GPR55: variants seen among roughly 807,000 people sequenced by gnomAD.
GPR55 encodes the protein G-protein coupled receptor 55.
In GPR55, 6 loss-of-function variants were observed where a neutral mutation model predicts 7.9. The ratio of observed to expected loss-of-function variants is 0.76; its 90% CI spans 0.41 to 1.49. GPR55 has a LOEUF of 1.49. Ranked by LOEUF, GPR55 falls within the 40% of genes most tolerant of loss-of-function variation. The pLI is 0.01. For synonymous variants in GPR55, 183 were observed against 166.8 expected, an observed-to-expected ratio of 1.10 and a Z score of -0.75; for missense variants, 376 against 406.0, an observed-to-expected ratio of 0.93 and a Z score of 0.63.
At chr2:230,949,194 C>G (rs1004223346) in intron 1 of GPR55, among the ~76,000 whole-genome samples, 2 of 152,036 alleles carry the variant, frequency 1.3e-5, no homozygotes, top group African/African-American at 4.8e-5. Flanking sequence ...GACGGAGTTT[C>G]ACTCTTCCAC....
rs1370536700 is a variant in GPR55 at position 230,908,582 on chromosome 2, T to A, written c.*1421A>T. On this transcript the variant is annotated 3_prime_UTR_variant, in exon 2 of 2. Transcript: ENST00000650999. Reference sequence around the variant, plus strand: ...AAATGCTTCTCTTCTTCCCCTCAGGTCACCACCCCTCCCAAGCCCTTCAGC... The same window carrying A: ...AAATGCTTCTCTTCTTCCCCTCAGGACACCACCCCTCCCAAGCCCTTCAGC... The A allele has an allele frequency of 6.5e-6, 1 of 153,234 alleles. No homozygotes were observed. Among genetic ancestry groups the A allele is most frequent in the Non-Finnish European group, 1.5e-5 (1 of 68,542 alleles). The allele number at this position is 153,234 out of a possible 1,614,324, so 9.5% of individuals were successfully genotyped here. A position where few individuals can be genotyped will look rare whatever the true frequency, so the allele number is the denominator to read the frequency against.
upstream of GPR55, chr2:230,928,485 T>G (rs1370234239): frequency 6.6e-6 from 1 of 152,072 alleles, no homozygotes; most frequent in Non-Finnish European, 1.5e-5. Context: ...AATCAAAAAA[T>G]GTTTGTGGAT....
At chr2:230,934,802 C>T (rs888107350) in intron 1 of GPR55, among the ~76,000 whole-genome samples, 36 of 152,136 alleles carry the variant, frequency 2.4e-4, no homozygotes, top group Admixed American at 2.2e-3. Context: ...AGTGAAGAGC[C>T]GTCACTGCAG....
intron 1 of GPR55, among the ~76,000 whole-genome samples, chr2:230,916,532 A>G (rs1339931593): frequency 6.6e-6 from 1 of 152,122 alleles, no homozygotes; most frequent in Non-Finnish European, 1.5e-5. Context: ...TCTAAGAAAA[A>G]AAAAAAAGAG....
rs374179115 is a variant in GPR55 at position 230,910,924 on chromosome 2, G to A, written c.39C>T (p.Asp13=). The A allele has an allele frequency of 6.2e-5, 99 of 1,609,178 alleles. No individual in the cohort carries two copies. The highest frequency in any genetic ancestry group is 1.6e-4 in the East Asian group (7 of 44,738). ...GGGTTTTCATCAGCTCGTTGACACC[G>A]TCAAACAGGCAGTCCCCACTGGTGT... ...QQNTSGDCLF[D]GVNELMKTLQ... Residue 13 remains aspartate, a synonymous_variant, in exon 2 of 2, where the codon GAC becomes GAT. Transcript: ENST00000650999. The surrounding 1 kb of genome is among the most constrained non-coding windows in gnomAD (Gnocchi z 5.4).
In GPR55 at chr2:230,933,279, T is replaced by C. The variant is rs533888458; in HGVS notation, c.-134-22183A>G. ...CTTCCCTTCTGGCCTTTCTCTGGCC[T>C]CCAGCCACCTGGGCAGACTGCTCCA... On this transcript the variant is annotated intron_variant, in intron 1 of 1. Transcript: ENST00000392039. 4.6e-5 allele frequency among the ~76,000 whole-genome samples: 7 copies of C among 151,366 alleles called. No individual in the cohort carries two copies. In the South Asian group the frequency reaches 1.5e-3, roughly 32 times the overall value.
chr2:230,945,009 C>T (rs937801092), intron 1 of GPR55, among the ~76,000 whole-genome samples: 1 of 152,222 alleles, frequency 6.6e-6, no homozygotes, highest in Admixed American at 6.5e-5. Flanking sequence ...GAAGCAGGAG[C>T]AGGAGCCTCA....
intron 1 of GPR55, among the ~76,000 whole-genome samples, chr2:230,949,536 G>A (rs958502200): frequency 2.0e-5 from 3 of 152,176 alleles, no homozygotes; most frequent in Admixed American, 6.5e-5. Context: ...TCAATTCCCC[G>A]GCCTAGATCA....
At chr2:230,941,586 C>T (rs934825) in intron 1 of GPR55, among the ~76,000 whole-genome samples, 152,120 of 152,250 alleles carry the variant, frequency 1, 75,995 homozygotes, top group Middle Eastern at 1. Flanking sequence ...TTTGCGATGC[C>T]GTCACCAAGC....
intron 1 of GPR55, chr2:230,957,614 G>A (rs1391279575): frequency 2.1e-6 from 1 of 466,190 alleles, no homozygotes; most frequent in Non-Finnish European, 4.4e-6. Context: ...TCCGGAGCCC[G>A]GCGAGCCCGC....
chr2:230,928,869 G>C (rs572583924), upstream of GPR55, among the ~76,000 whole-genome samples: 1 of 152,070 alleles, frequency 6.6e-6, no homozygotes, highest in Non-Finnish European at 1.5e-5. Flanking sequence ...CTCCAGGTGC[G>C]GCCTGGAGAC....
chr2:230,931,839 C>A (rs776742749), intron 1 of GPR55, among the ~76,000 whole-genome samples: 2 of 152,112 alleles, frequency 1.3e-5, no homozygotes, highest in Non-Finnish European at 2.9e-5. Flanking sequence ...CCAGTCCATT[C>A]GCCTGCTTGC....
chr2:230,943,099 GGAGAGAAAGA>G (rs1691259474), intron 1 of GPR55, among the ~76,000 whole-genome samples: 1 of 151,478 alleles, frequency 6.6e-6, no homozygotes, highest in East Asian at 2.0e-4. Flanking sequence ...GAGAGAGAGA[GGAGAGAAAGA>G]GAGAGAGAGG....
intron 1 of GPR55, among the ~76,000 whole-genome samples, chr2:230,920,970 GAC>G (rs925201649): frequency 1.3e-5 from 2 of 151,954 alleles, no homozygotes; most frequent in African/African-American, 2.4e-5. Context: ...AAAATGAAAA[GAC>G]ACAGAGTAAA....
In GPR55 at chr2:230,909,705, G is replaced by A. The variant is rs1690540489; in HGVS notation, c.*298C>T. 8 of 305,998 alleles carry A rather than the reference G, an allele frequency of 2.6e-5. No homozygotes were observed. The South Asian group carries it at 4.7e-4, about 18-fold the overall frequency. 19.0% of individuals were successfully genotyped at this position (305,998 alleles called of 1,614,324 possible). A position where few individuals can be genotyped will look rare whatever the true frequency, so the allele number is the denominator to read the frequency against. On this transcript the variant is annotated 3_prime_UTR_variant, in exon 2 of 2. Transcript: ENST00000650999. ...GAGTTGGAAACAGCCTTGTTGACAT[G>A]GTCTCATTCTCTTTCTCAATTCTTC... is the stretch of plus-strand genomic sequence containing the variant.
At chr2:230,952,869 A>G (rs1010206054) in intron 1 of GPR55, among the ~76,000 whole-genome samples, 1 of 152,076 alleles carries the variant, frequency 6.6e-6, no homozygotes, top group Non-Finnish European at 1.5e-5. Context: ...AAGCCTCTGC[A>G]TGGTGGCCCA....
intron 1 of GPR55, among the ~76,000 whole-genome samples, chr2:230,952,233 G>C (rs994612112): frequency 1.3e-4 from 20 of 151,612 alleles, no homozygotes; most frequent in African/African-American, 4.9e-4. Context: ...TTGTGTGCCA[G>C]GAGCCACAAT....
rs960605438 is a variant in GPR55 at position 230,923,073 on chromosome 2, G to A, written c.-135+2095C>T. ...ATTCCCGCAACTGCCAGTGGTCCAT[G>A]GTACCCTCATCCGCCCACACCCTCA... On this transcript the variant is annotated intron_variant, in intron 1 of 1. Transcript: ENST00000650999. This position sits in a 1 kb window ranked among gnomAD's most constrained non-coding sequence, Gnocchi z 4.1. Among the ~76,000 whole-genome samples the A allele has an allele frequency of 6.6e-6, 1 of 152,204 alleles. No homozygotes were observed. Among genetic ancestry groups the A allele is most frequent in the Non-Finnish European group, 1.5e-5 (1 of 68,028 alleles).
At chr2:230,911,577 C>T (rs1690593685) in intron 1 of GPR55, among the ~76,000 whole-genome samples, 1 of 152,186 alleles carries the variant, frequency 6.6e-6, no homozygotes, top group Non-Finnish European at 1.5e-5. Context: ...TTTGACTCTC[C>T]AAGAAGCCAT....
Sources: allele counts gnomAD v4.1 joint callset (sites outside exome capture counted in the v4.1 genomes callset), GRCh38; gene constraint gnomAD v4.1.1; non-coding constraint Gnocchi (gnomAD v3.1); transcripts MANE v1.5; gene names NCBI Gene and HGNC (gene_info 2026-07-23, HGNC 2026-07-21).